Variants in FGGY observed in about 807,000 individuals in gnomAD.
The protein encoded by FGGY is FGGY carbohydrate kinase domain-containing protein.
Under a neutral mutation model 71.3 loss-of-function variants are expected in FGGY, and 72 were observed. The observed-to-expected ratio is 1.01, with a 90% CI of 0.84 to 1.23. The LOEUF is 1.23. Ranked by LOEUF, FGGY falls within the 50% of genes most tolerant of loss-of-function variation. The probability of loss-of-function intolerance (pLI) is 0.00; values close to 1 mark genes in which losing one functional copy is unlikely to be tolerated. For synonymous variants in FGGY, 251 were observed against 250.3 expected (o/e 1.00, Z -0.02); for missense variants, 668 against 682.3 (o/e 0.98, Z 0.23).
intron 14 of FGGY, among the ~76,000 whole-genome samples, chr1:59,745,790 G>T (rs2098191761): frequency 6.6e-6 from 1 of 152,134 alleles, no homozygotes; most frequent in Non-Finnish European, 1.5e-5. Flanking sequence ...AGCCAGACAG[G>T]GCACATGAAT....
intron 9 of FGGY, among the ~76,000 whole-genome samples, chr1:59,612,255 G>C (rs1396440568): frequency 6.6e-6 from 1 of 152,206 alleles, no homozygotes; most frequent in Non-Finnish European, 1.5e-5. Context: ...AGAAAGGTTG[G>C]GTTACCCACA....
chr1:59,322,331 G>A (rs115750295), intron 2 of FGGY, among the ~76,000 whole-genome samples: 2,620 of 150,784 alleles, frequency 0.017, 82 homozygotes, highest in African/African-American at 0.062. Flanking sequence ...TTGGGGAACA[G>A]GTGGTGTTTG....
intron 4 of FGGY, among the ~76,000 whole-genome samples, chr1:59,356,982 A>G (rs773139835): frequency 1.3e-5 from 2 of 152,100 alleles, no homozygotes; most frequent in Non-Finnish European, 1.5e-5. Context: ...AATCAGAAAG[A>G]CTTTCTTTAG....
At chr1:59,382,664 G>T (rs550768701) in intron 5 of FGGY, among the ~76,000 whole-genome samples, 1 of 152,096 alleles carries the variant, frequency 6.6e-6, no homozygotes, top group African/African-American at 2.4e-5. Context: ...TTGTACATCC[G>T]TGAAAGAAAT....
At position 59,456,986 on chromosome 1, in the gene FGGY, T is replaced by C. The variant is rs777270946; in HGVS notation, c.580T>C (p.Trp194Arg). 7.4e-6 allele frequency: 12 copies of C among 1,613,842 alleles called. No homozygotes were observed. The highest frequency in any genetic ancestry group is 1.6e-4 in the Middle Eastern group (1 of 6,084). Residue 194 changes from tryptophan (W) to arginine (R), a missense_variant, in exon 6 of 16, where the codon TGG (tryptophan) becomes CGG (arginine). This residue lies in a region of FGGY where 661 missense variants were observed against 661.6 expected (regional missense o/e 1.00). Coordinates refer to ENST00000303721, the MANE Select transcript of FGGY (RefSeq NM_018291.5). ...GTCTCTCTGCTCCCTGGTGTGTAAG[T>C]GGACATATTCAGCAGAGAAAGGCTG... ...ARSLCSLVCK[W>R]TYSAEKGWDD...
At chr1:59,591,154 G>C (rs367708569) in intron 8 of FGGY, among the ~76,000 whole-genome samples, 9 of 151,862 alleles carry the variant, frequency 5.9e-5, no homozygotes, top group South Asian at 2.1e-4. Context: ...AACAGACAAA[G>C]AGAGAGCCAA....
intron 14 of FGGY, among the ~76,000 whole-genome samples, chr1:59,741,665 G>A (rs928542759): frequency 6.6e-6 from 1 of 152,054 alleles, no homozygotes; most frequent in Non-Finnish European, 1.5e-5. Context: ...AAATTGCCAG[G>A]CGGGCGAGGC....
At chr1:59,522,489 A>G (rs761870373) in intron 7 of FGGY, among the ~76,000 whole-genome samples, 4 of 152,208 alleles carry the variant, frequency 2.6e-5, no homozygotes, top group Admixed American at 6.5e-5. Context: ...GGTTCCATCA[A>G]TCATGGGGAA....
intron 1 of FGGY, among the ~76,000 whole-genome samples, chr1:59,306,454 T>G (rs1301807616): frequency 6.6e-6 from 1 of 152,204 alleles, no homozygotes; most frequent in African/African-American, 2.4e-5. Flanking sequence ...AGTAAGACTG[T>G]TACATCCTTA....
chr1:59,648,952 T>A (rs1198767414), intron 11 of FGGY, among the ~76,000 whole-genome samples: 1 of 151,674 alleles, frequency 6.6e-6, no homozygotes, highest in Non-Finnish European at 1.5e-5. Flanking sequence ...GGATCCAGTT[T>A]CAGCTTCCTA....
chr1:59,535,675 A>G (rs1023575068), intron 7 of FGGY, among the ~76,000 whole-genome samples: 2 of 150,900 alleles, frequency 1.3e-5, no homozygotes, highest in African/African-American at 4.9e-5. Context: ...AGGATTAAGA[A>G]TCTCACTCAA....
chr1:59,660,825 A>G (rs1322043149), intron 12 of FGGY, among the ~76,000 whole-genome samples: 2 of 152,268 alleles, frequency 1.3e-5, no homozygotes, highest in African/African-American at 4.8e-5. Context: ...AGATAAATCA[A>G]AAATGGAAAT....
At chr1:59,430,574 C>T (rs2067170171) in intron 5 of FGGY, among the ~76,000 whole-genome samples, 1 of 152,070 alleles carries the variant, frequency 6.6e-6, no homozygotes, top group African/African-American at 2.4e-5. Context: ...GGCCCATTTT[C>T]CTCTAGCATT....
intron 7 of FGGY, among the ~76,000 whole-genome samples, chr1:59,543,706 G>A (rs1057330794): frequency 2.6e-5 from 4 of 152,022 alleles, no homozygotes; most frequent in Non-Finnish European, 4.4e-5. Flanking sequence ...TAAATTTCAG[G>A]CTTTTTTTTT....
intron 14 of FGGY, among the ~76,000 whole-genome samples, chr1:59,677,908 C>CTA (rs2097452463): frequency 6.7e-6 from 1 of 148,504 alleles, no homozygotes; most frequent in South Asian, 2.1e-4. Context: ...CTTTAGACAT[C>CTA]TAAAGTCTTC....
chr1:59,636,124 G>A (rs1451473634), intron 10 of FGGY, among the ~76,000 whole-genome samples: 1 of 152,236 alleles, frequency 6.6e-6, no homozygotes, highest in South Asian at 2.1e-4. Context: ...ATGAGAATGA[G>A]CTATTACAGC....
intron 15 of FGGY, among the ~76,000 whole-genome samples, chr1:59,759,397 G>A (rs1008329507): frequency 1.3e-5 from 2 of 152,244 alleles, no homozygotes; most frequent in South Asian, 2.1e-4. Flanking sequence ...CTGGCAGTAG[G>A]AGCTATGGGC....
chr1:59,404,599 G>C (rs983043639), intron 5 of FGGY, among the ~76,000 whole-genome samples: 2 of 152,210 alleles, frequency 1.3e-5, no homozygotes, highest in African/African-American at 4.8e-5. Flanking sequence ...GCCTCCCAGA[G>C]TGGAGCATGG....
At chr1:59,653,591 A>G (rs750883817) in intron 11 of FGGY, among the ~76,000 whole-genome samples, 57 of 152,154 alleles carry the variant, frequency 3.7e-4, no homozygotes, top group Non-Finnish European at 7.6e-4. Context: ...AGGTGAGGCA[A>G]TGCCTCGCCC....
Sources: gnomAD v4.1 joint callset for allele counts (sites outside exome capture counted in the v4.1 genomes callset) on GRCh38, gnomAD v4.1.1 for gene constraint, gnomAD v4.1.1 regional missense constraint, MANE v1.5 for transcripts, NCBI Gene and HGNC (gene_info 2026-07-23, HGNC 2026-07-21) for gene names.